The following CDIN1 variants were observed in gnomAD, a reference collection of about 807,000 sequenced individuals.
CDIN1 encodes the protein CDAN1-interacting nuclease 1.
A neutral mutation model predicts 45.3 loss-of-function variants in CDIN1; 33 were observed. That is an observed-to-expected ratio of 0.73 (90% CI 0.55 to 0.97). The LOEUF is 0.97. Among genes scored for constraint, CDIN1 ranks in the 50% least tolerant of loss-of-function variants. CDIN1 has a pLI of 0.00. For synonymous variants in CDIN1, 118 were observed against 124.4 expected (o/e 0.95, Z 0.34); for missense variants, 303 against 339.4 (o/e 0.89, Z 0.84).
intron 5 of CDIN1, among the ~76,000 whole-genome samples, chr15:36,673,671 T>C (rs954873107): frequency 6.6e-6 from 1 of 152,122 alleles, no homozygotes; most frequent in African/African-American, 2.4e-5. Flanking sequence ...ACTACTTTGC[T>C]TTGAATGGCC....
intron 10 of CDIN1, among the ~76,000 whole-genome samples, chr15:36,804,397 A>G (rs567242917): frequency 6.7e-4 from 102 of 152,190 alleles, no homozygotes; most frequent in African/African-American, 2.4e-3. Flanking sequence ...TCAATAACCA[A>G]TGCAAAGCTG....
At chr15:36,583,887 G>A (rs1032649456) in intron 1 of CDIN1, among the ~76,000 whole-genome samples, 42 of 152,124 alleles carry the variant, frequency 2.8e-4, no homozygotes, top group African/African-American at 1.0e-3. Context: ...ACGGTGGCGG[G>A]CGCCTGTAGT....
intron 8 of CDIN1, chr15:36,706,081 A>C (rs2042854019): frequency 6.6e-6 from 1 of 152,228 alleles, no homozygotes; most frequent in Non-Finnish European, 1.5e-5. Context: ...AGAAAATTCA[A>C]AGAATCATAA....
At chr15:36,765,167 T>C (rs900103175) in intron 10 of CDIN1, among the ~76,000 whole-genome samples, 5 of 151,302 alleles carry the variant, frequency 3.3e-5, no homozygotes, top group African/African-American at 1.2e-4. Flanking sequence ...GAGATTCTCC[T>C]GTCTCAGCCT....
chr15:36,680,867 G>A (rs1257448995), intron 5 of CDIN1, among the ~76,000 whole-genome samples: 1 of 152,118 alleles, frequency 6.6e-6, no homozygotes, highest in Admixed American at 6.6e-5. Context: ...ACTGCAGAAA[G>A]GCCAAGCAAA....
intron 10 of CDIN1, chr15:36,799,803 A>T (rs2054951347): frequency 6.6e-6 from 1 of 152,222 alleles, no homozygotes; most frequent in Admixed American, 6.5e-5. Context: ...AGAGGGGCTG[A>T]CCCAATCCAG....
chr15:36,591,138 C>G (rs1477476120), intron 1 of CDIN1, among the ~76,000 whole-genome samples: 1 of 152,066 alleles, frequency 6.6e-6, no homozygotes, highest in Non-Finnish European at 1.5e-5. Context: ...CTATAGGGCT[C>G]TTGTAAGTGG....
intron 1 of CDIN1, among the ~76,000 whole-genome samples, chr15:36,585,133 A>T (rs1425278382): frequency 1.3e-5 from 2 of 152,184 alleles, no homozygotes; most frequent in Non-Finnish European, 2.9e-5. Context: ...ATTATTTGTT[A>T]CTTTTGGGAG....
chr15:36,607,985 C>T (rs79574685), intron 1 of CDIN1, among the ~76,000 whole-genome samples: 2 of 152,108 alleles, frequency 1.3e-5, no homozygotes, highest in Admixed American at 6.5e-5. Context: ...TTTAACGTAG[C>T]GTAATGTTTT....
intron 10 of CDIN1, among the ~76,000 whole-genome samples, chr15:36,724,062 T>C (rs2043533927): frequency 6.6e-6 from 1 of 152,196 alleles, no homozygotes; most frequent in South Asian, 2.1e-4. Flanking sequence ...TATCTCTGTT[T>C]CATATGAGAA....
intron 1 of CDIN1, among the ~76,000 whole-genome samples, chr15:36,586,012 T>C (rs6495848): frequency 0.87 from 132,417 of 152,062 alleles, 57,753 homozygotes; most frequent in Middle Eastern, 0.96. Context: ...CATTCAGCCT[T>C]ATGTGCTCAA....
intron 10 of CDIN1, among the ~76,000 whole-genome samples, chr15:36,727,348 A>G (rs1395076901): frequency 6.6e-6 from 1 of 151,710 alleles, no homozygotes; most frequent in African/African-American, 2.4e-5. Context: ...TAAAAAAAAA[A>G]AAAAAAGAAA....
chr15:36,767,372 T>C (rs2141015024), intron 10 of CDIN1, among the ~76,000 whole-genome samples: 1 of 152,302 alleles, frequency 6.6e-6, no homozygotes, highest in South Asian at 2.1e-4. Context: ...TTCTAGCCTG[T>C]GGGTAAGGGT....
intron 10 of CDIN1, among the ~76,000 whole-genome samples, chr15:36,766,009 G>C (rs1004195218): frequency 2.0e-5 from 3 of 152,138 alleles, no homozygotes; most frequent in Non-Finnish European, 4.4e-5. Context: ...CAGATCTCTA[G>C]AATTTATTCC....
At chr15:36,731,024 G>T (rs987918480) in intron 10 of CDIN1, among the ~76,000 whole-genome samples, 1 of 152,050 alleles carries the variant, frequency 6.6e-6, no homozygotes, top group East Asian at 1.9e-4. Context: ...GAGTTTTTGA[G>T]ACCCTAAGGC....
At chr15:36,692,883 C>T (rs1372688000) in intron 7 of CDIN1, among the ~76,000 whole-genome samples, 1 of 152,188 alleles carries the variant, frequency 6.6e-6, no homozygotes, top group East Asian at 1.9e-4. Flanking sequence ...TTTAGTAGTA[C>T]TGTGGCAACA....
chr15:36,727,640 T>C (rs954976057), intron 10 of CDIN1, among the ~76,000 whole-genome samples: 2 of 152,200 alleles, frequency 1.3e-5, no homozygotes, highest in African/African-American at 4.8e-5. Flanking sequence ...CAGAGTTGCA[T>C]AAAAATTATT....
At chr15:36,641,666 A>G (rs1050770181) in intron 1 of CDIN1, among the ~76,000 whole-genome samples, 2 of 152,184 alleles carry the variant, frequency 1.3e-5, no homozygotes, top group Non-Finnish European at 2.9e-5. Context: ...TCAGGGTATG[A>G]TTTACTTCAT....
At position 36,616,443 on chromosome 15, in the gene CDIN1, C is replaced by T. The variant is rs201209311; in HGVS notation, c.102-27835C>T. Among the ~76,000 whole-genome samples, 7 of 152,038 alleles carry T rather than the reference C, an allele frequency of 4.6e-5. No individual in the cohort carries two copies. In the East Asian group the frequency reaches 7.8e-4, roughly 17 times the overall value. Reference sequence around the variant, plus strand: ...GATTACAAGCATGAGCCACTACACCCGGCTAATTTTGTATTTTTAGTAGAG... The same window carrying T: ...GATTACAAGCATGAGCCACTACACCTGGCTAATTTTGTATTTTTAGTAGAG... On this transcript the variant is annotated intron_variant, in intron 1 of 10. Coordinates refer to ENST00000566621, the MANE Select transcript of CDIN1 (RefSeq NM_001321759.2).
Sources: gnomAD v4.1 joint callset for allele counts (sites outside exome capture counted in the v4.1 genomes callset) on GRCh38, gnomAD v4.1.1 for gene constraint, MANE v1.5 for transcripts, NCBI Gene and HGNC (gene_info 2026-07-23, HGNC 2026-07-21) for gene names.